The following FGD4 variants were observed in gnomAD, a reference collection of about 807,000 sequenced individuals.
The protein encoded by FGD4 is FYVE, RhoGEF and PH domain-containing protein 4.
Under a neutral mutation model 102.0 loss-of-function variants are expected in FGD4, and 42 were observed. The ratio of observed to expected loss-of-function variants is 0.41; its 90% CI spans 0.32 to 0.53. The LOEUF (loss-of-function observed/expected upper bound fraction) is 0.53, where lower values mean the gene tolerates loss of function less well. FGD4 is among the 20% of genes least tolerant of loss of function. The probability of loss-of-function intolerance (pLI) is 0.21; values close to 1 mark genes in which losing one functional copy is unlikely to be tolerated. For synonymous variants in FGD4, 380 were observed against 375.7 expected (o/e 1.01, Z -0.13); for missense variants, 902 against 1,078.2 (o/e 0.84, Z 2.29).
Position 32,598,505 on chromosome 12 carries a change from T to A in FGD4, c.1020T>A (p.Asn340Lys). Reference protein sequence around the residue: ...LDQHHEMKETNEQKLHKIANE... With the variant: ...LDQHHEMKETKEQKLHKIANE... ...ATCTTTCCAATTTTTAGGAGACTAA[T>A]GAGCAAAAACTTCACAAAATAGCCA... is the stretch of plus-strand genomic sequence containing the variant. The change falls in exon 5 of 17, where the codon AAT becomes AAA. Residue 340 changes from asparagine (N) to lysine (K), a missense_variant. Asn to Lys is a moderately conservative substitution (Grantham distance 94). This residue lies in a region of FGD4 where 443 missense variants were observed against 459.2 expected (regional missense o/e 0.96). Transcript: ENST00000534526. The A allele has an allele frequency of 6.2e-7, 1 of 1,612,514 alleles. No individual in the cohort carries two copies. Among genetic ancestry groups the A allele is most frequent in the Non-Finnish European group, 8.5e-7 (1 of 1,179,270 alleles).
chr12:32,578,370 A>G (rs1472496460), intron 3 of FGD4, among the ~76,000 whole-genome samples: 1 of 152,206 alleles, frequency 6.6e-6, no homozygotes, highest in Admixed American at 6.5e-5. Context: ...GTTGAGTGAT[A>G]TCCTTGCCAT....
intron 1 of FGD4, among the ~76,000 whole-genome samples, chr12:32,412,276 G>T (rs544986834): frequency 6.6e-6 from 1 of 152,276 alleles, no homozygotes; most frequent in East Asian, 1.9e-4. Flanking sequence ...TACATTCTTG[G>T]TCATCTTTTC....
intron 1 of FGD4, among the ~76,000 whole-genome samples, chr12:32,519,142 A>G (rs964310507): frequency 1.2e-3 from 178 of 147,798 alleles, no homozygotes; most frequent in Admixed American, 2.0e-3. Context: ...AAAAAAAAAA[A>G]GCCTCCCCAC....
At chr12:32,505,035 A>G (rs2136639823) in intron 1 of FGD4, among the ~76,000 whole-genome samples, 1 of 152,238 alleles carries the variant, frequency 6.6e-6, no homozygotes, top group Non-Finnish European at 1.5e-5. Context: ...TTTTGAAGTT[A>G]AGTATTTTTG....
intron 7 of FGD4, among the ~76,000 whole-genome samples, chr12:32,606,352 A>G (rs1470304526): frequency 6.6e-6 from 1 of 152,150 alleles, no homozygotes. Context: ...CTCAGATCTA[A>G]TGATACAACT....
chr12:32,625,555 C>T lies in FGD4; in HGVS notation c.2047-99C>T, dbSNP rs923907338. The T allele has an allele frequency of 8.4e-6, 12 of 1,431,192 alleles. No homozygotes were observed. The South Asian group carries it at 1.5e-4, about 18-fold the overall frequency. 88.7% of individuals were successfully genotyped at this position (1,431,192 alleles called of 1,614,324 possible). A position where few individuals can be genotyped will look rare whatever the true frequency, so the allele number is the denominator to read the frequency against. On this transcript the variant is annotated intron_variant, in intron 13 of 16. Transcript: ENST00000534526. ...AAAGTGCTGGGATTATAGTTCAGAA[C>T]ATGGTTTGAGCAATGTAGTTAAAGT...
At chr12:32,615,882 G>C (rs1258570328) in intron 10 of FGD4, among the ~76,000 whole-genome samples, 1 of 152,102 alleles carries the variant, frequency 6.6e-6, no homozygotes, top group Non-Finnish European at 1.5e-5. Context: ...GTGTCCCAGA[G>C]AGTAAGTGTT....
chr12:32,480,712 G>T (rs1290919083), intron 1 of FGD4, among the ~76,000 whole-genome samples: 1 of 151,208 alleles, frequency 6.6e-6, no homozygotes, highest in East Asian at 2.0e-4. Context: ...TGTTGGCCAG[G>T]ATGCTCTTGC....
intron 1 of FGD4, among the ~76,000 whole-genome samples, chr12:32,438,617 T>G (rs1409102836): frequency 1.4e-5 from 2 of 141,990 alleles, no homozygotes; most frequent in Non-Finnish European, 3.1e-5. Context: ...TTTGTGTGTG[T>G]TTTTTTTTTT....
At chr12:32,516,336 G>A (rs1255444380) in intron 1 of FGD4, among the ~76,000 whole-genome samples, 1 of 151,808 alleles carries the variant, frequency 6.6e-6, no homozygotes, top group African/African-American at 2.4e-5. Flanking sequence ...TAGAGAGGGA[G>A]TTCCACTCTG....
chr12:32,513,611 C>T (rs1939604927), intron 1 of FGD4, among the ~76,000 whole-genome samples: 1 of 152,160 alleles, frequency 6.6e-6, no homozygotes, highest in Non-Finnish European at 1.5e-5. Flanking sequence ...TGAATTAAGA[C>T]TGGCACAAGG....
chr12:32,540,219 A>G (rs73303539), intron 1 of FGD4, among the ~76,000 whole-genome samples: 1 of 152,326 alleles, frequency 6.6e-6, no homozygotes, highest in African/African-American at 2.4e-5. Flanking sequence ...CCTCCCTCAT[A>G]GACCTCTAAA....
chr12:32,519,377 C>T (rs1940258324), intron 1 of FGD4, among the ~76,000 whole-genome samples: 1 of 152,136 alleles, frequency 6.6e-6, no homozygotes, highest in African/African-American at 2.4e-5. Flanking sequence ...GGAAATGTTC[C>T]ATTATTGTGT....
chr12:32,636,115 G>A (rs192785101), intron 15 of FGD4, among the ~76,000 whole-genome samples: 48 of 152,094 alleles, frequency 3.2e-4, no homozygotes, highest in Non-Finnish European at 4.9e-4. Context: ...TGAAGTTAGC[G>A]TTCCCTATCA....
chr12:32,416,049 G>A (rs912020650), intron 1 of FGD4, among the ~76,000 whole-genome samples: 3 of 152,202 alleles, frequency 2.0e-5, no homozygotes, highest in Non-Finnish European at 2.9e-5. Flanking sequence ...AGGCCGAAGT[G>A]CAGTGGTTCA....
chr12:32,425,415 C>T (rs1003855018), intron 1 of FGD4, among the ~76,000 whole-genome samples: 2 of 152,118 alleles, frequency 1.3e-5, no homozygotes, highest in Non-Finnish European at 2.9e-5. Context: ...GGTCTCTGTT[C>T]TGTTCTATTA....
intron 7 of FGD4, among the ~76,000 whole-genome samples, chr12:32,605,704 T>A (rs1948732736): frequency 6.6e-6 from 1 of 152,244 alleles, no homozygotes; most frequent in Admixed American, 6.5e-5. Flanking sequence ...ATTATTCTGA[T>A]ATGTATTGGA....
At chr12:32,489,619 G>A (rs150327211) in intron 1 of FGD4, among the ~76,000 whole-genome samples, 1,558 of 152,286 alleles carry the variant, frequency 0.01, 20 homozygotes, top group African/African-American at 0.034. Flanking sequence ...AGGGGTTGAT[G>A]ATTGATTCTG....
At chr12:32,561,315 G>A (rs564634421) in intron 1 of FGD4, among the ~76,000 whole-genome samples, 1 of 152,080 alleles carries the variant, frequency 6.6e-6, no homozygotes, top group African/African-American at 2.4e-5. Flanking sequence ...TTGAACTCCT[G>A]ACCTCAGGTG....
Sources: gnomAD v4.1 joint callset for allele counts (sites outside exome capture counted in the v4.1 genomes callset) on GRCh38, gnomAD v4.1.1 for gene constraint, gnomAD v4.1.1 regional missense constraint, MANE v1.5 for transcripts, NCBI Gene and HGNC (gene_info 2026-07-23, HGNC 2026-07-21) for gene names.